The following LMF1 variants were observed in gnomAD, a reference collection of about 807,000 sequenced individuals.
The protein encoded by LMF1 is transmembrane protein 112.
A neutral mutation model predicts 60.6 loss-of-function variants in LMF1; 68 were observed. The ratio of observed to expected loss-of-function variants is 1.12; its 90% confidence interval spans 0.92 to 1.37. The LOEUF (loss-of-function observed/expected upper bound fraction) is 1.37. LMF1 is among the 40% of genes most tolerant of loss of function. LMF1 has a pLI of 0.00. For missense variants in LMF1, 948 were observed against 767.2 expected (o/e 1.24, Z -2.78); for synonymous variants, 418 against 324.7 (o/e 1.29, Z -3.09).
At chr16:886,076 C>T (rs986031901) in intron 5 of LMF1, among the ~76,000 whole-genome samples, 16 of 152,232 alleles carry the variant, frequency 1.1e-4, no homozygotes, top group African/African-American at 3.6e-4. Flanking sequence ...TCTTTGGAGC[C>T]TTTAAGGAAC....
In LMF1 at chr16:877,826, G is replaced by A. The variant is rs138760014; in HGVS notation, c.897+1744C>T. Reference sequence around the variant, plus strand: ...GTCTCTGAGGGACCCGCAGACAGACGGGGAAGTACCAGTGCAGAGGTTGTC... The same window carrying A: ...GTCTCTGAGGGACCCGCAGACAGACAGGGAAGTACCAGTGCAGAGGTTGTC... On this transcript the variant is annotated intron_variant, in intron 6 of 10. Coordinates refer to ENST00000262301, the MANE Select transcript of LMF1 (RefSeq NM_022773.4). Among the ~76,000 whole-genome samples, 165 of 152,272 alleles carry A rather than the reference G, an allele frequency of 1.1e-3. 3 individuals are homozygous for A. The East Asian group carries it at 0.03, about 28-fold the overall frequency.
At chr16:891,386 G>T (rs1424024644) in intron 5 of LMF1, among the ~76,000 whole-genome samples, 2 of 152,388 alleles carry the variant, frequency 1.3e-5, no homozygotes, top group Admixed American at 1.3e-4. Context: ...CATAGAGAAG[G>T]CATCAGAGTG....
chr16:866,064 C>T (rs2069601061), intron 10 of LMF1, among the ~76,000 whole-genome samples: 1 of 152,238 alleles, frequency 6.6e-6, no homozygotes, highest in Non-Finnish European at 1.5e-5. Flanking sequence ...GCTGCATTCA[C>T]ATCTCTGTGA....
At chr16:910,353 C>T (rs1199620535) in intron 4 of LMF1, among the ~76,000 whole-genome samples, 1 of 152,194 alleles carries the variant, frequency 6.6e-6, no homozygotes, top group Non-Finnish European at 1.5e-5. Context: ...CACCCCCACC[C>T]CGGGGCTCAG....
chr16:944,602 T>C (rs1010559902), intron 2 of LMF1, among the ~76,000 whole-genome samples: 4 of 152,196 alleles, frequency 2.6e-5, no homozygotes, highest in African/African-American at 9.6e-5. Context: ...GTATTTCACT[T>C]GCTGACGGTT....
At chr16:882,284 C>G (rs1458889890) in intron 5 of LMF1, among the ~76,000 whole-genome samples, 2 of 152,256 alleles carry the variant, frequency 1.3e-5, no homozygotes, top group Non-Finnish European at 2.9e-5. Flanking sequence ...CACTGCCCCT[C>G]CTGAGCATGG....
At chr16:870,485 C>T (rs557152380) in intron 8 of LMF1, among the ~76,000 whole-genome samples, 22 of 152,328 alleles carry the variant, frequency 1.4e-4, no homozygotes, top group East Asian at 3.9e-4. Context: ...ATTCCAGGGC[C>T]GCAGCCCACC....
At chr16:942,441 T>C (rs2072124109) in intron 2 of LMF1, among the ~76,000 whole-genome samples, 1 of 152,282 alleles carries the variant, frequency 6.6e-6, no homozygotes, top group South Asian at 2.1e-4. Flanking sequence ...ATTCAGCTAT[T>C]ATTTCTTTAA....
intron 6 of LMF1, among the ~76,000 whole-genome samples, chr16:876,689 G>A (rs1291738439): frequency 6.6e-6 from 1 of 151,044 alleles, no homozygotes; most frequent in East Asian, 2.0e-4. Context: ...GACAGAGGCA[G>A]GCTGGGTGGG....
chr16:857,411 GC>G (rs1434010358), intron 10 of LMF1, among the ~76,000 whole-genome samples: 6 of 152,232 alleles, frequency 3.9e-5, no homozygotes, highest in Non-Finnish European at 5.9e-5. Flanking sequence ...TTTTATTCCA[GC>G]CGTTTTGATG....
chr16:926,242 A>T (rs756969472), intron 3 of LMF1, among the ~76,000 whole-genome samples: 4 of 150,268 alleles, frequency 2.7e-5, no homozygotes, highest in Non-Finnish European at 5.9e-5. Context: ...TATGATCTGC[A>T]TACGTATGTC....
chr16:867,655 G>A (rs899154927), intron 10 of LMF1, among the ~76,000 whole-genome samples: 3 of 152,190 alleles, frequency 2.0e-5, no homozygotes, highest in African/African-American at 7.2e-5. Context: ...CAATTCACAG[G>A]AAGGTGGCCC....
intron 1 of LMF1, among the ~76,000 whole-genome samples, chr16:978,577 A>C (rs1025085342): frequency 6.6e-6 from 1 of 152,138 alleles, no homozygotes; most frequent in Non-Finnish European, 1.5e-5. Context: ...CACGCCCGGC[A>C]CTCACGGCCC....
At chr16:891,243 A>C (rs568298758) in intron 5 of LMF1, among the ~76,000 whole-genome samples, 44 of 152,276 alleles carry the variant, frequency 2.9e-4, no homozygotes, top group African/African-American at 9.6e-4. Flanking sequence ...CGTCCCCCAG[A>C]AACACCACAC....
Position 887,334 on chromosome 16 carries a change from G to A in LMF1, c.729+5673C>T, listed in dbSNP as rs113785317. ...TTGCGGGGGCAGGCTGGAAAGGGGC[G>A]CCTGCCTGACACGGGGATGCACCAG... On this transcript the variant is annotated intron_variant, in intron 5 of 10. Coordinates refer to ENST00000262301, the MANE Select transcript of LMF1 (RefSeq NM_022773.4). 5.2e-3 allele frequency among the ~76,000 whole-genome samples: 785 copies of A among 152,310 alleles called. 5 individuals are homozygous for A. The highest frequency in any genetic ancestry group is 8.3e-3 in the Non-Finnish European group (565 of 68,026).
chr16:887,868 G>C (rs2070356264), intron 5 of LMF1, among the ~76,000 whole-genome samples: 1 of 152,196 alleles, frequency 6.6e-6, no homozygotes, highest in Non-Finnish European at 1.5e-5. Flanking sequence ...TGGGAGCCCA[G>C]AGACGCACCC....
chr16:980,035 G>C (rs973680719), intron 1 of LMF1: 4 of 327,986 alleles, frequency 1.2e-5, no homozygotes, highest in Non-Finnish European at 2.4e-5. Context: ...GGGGAAGAGA[G>C]GGCAGGCCAG....
chr16:871,467 T>C (rs1417971634), intron 6 of LMF1, 126 bp from the exon 7 acceptor site: 5 of 974,650 alleles, frequency 5.1e-6, no homozygotes, highest in Middle Eastern at 6.6e-4. Context: ...TTGCTGTCCC[T>C]CGGGCCCAGC....
At chr16:892,971 C>A in intron 5 of LMF1, 36 bp downstream of exon 5, 1 of 1,502,692 alleles carries the variant, frequency 6.7e-7, no homozygotes, top group Non-Finnish European at 9.0e-7. Context: ...GGCGTGAGAC[C>A]GGGTGCCCTG....
Sources: gnomAD v4.1 joint callset for allele counts (sites outside exome capture counted in the v4.1 genomes callset) on GRCh38, gnomAD v4.1.1 for gene constraint, MANE v1.5 for transcripts, NCBI Gene and HGNC (gene_info 2026-07-23, HGNC 2026-07-21) for gene names.